The following DENND2B variants were observed in gnomAD, a reference collection of about 807,000 sequenced individuals.
DENND2B encodes the protein DENN domain-containing protein 2B.
Under a neutral mutation model 116.0 loss-of-function variants are expected in DENND2B, and 32 were observed. That is an observed-to-expected ratio of 0.28 (90% CI 0.21 to 0.37). DENND2B has a LOEUF of 0.37. Ranked by LOEUF, DENND2B falls within the 10% of genes least tolerant of loss-of-function variation. The pLI is 1.00. For synonymous variants in DENND2B, 588 were observed against 583.9 expected (o/e 1.01, Z -0.10); for missense variants, 1,276 against 1,477.7 (o/e 0.86, Z 2.24).
At chr11:8,738,979 A>G (rs1011645155) in intron 2 of DENND2B, among the ~76,000 whole-genome samples, 1 of 152,210 alleles carries the variant, frequency 6.6e-6, no homozygotes, top group African/African-American at 2.4e-5. Flanking sequence ...ACTGCATTGC[A>G]CCAGACTGTT....
At chr11:8,853,776 A>G (rs952785258) in intron 3 of DENND2B, among the ~76,000 whole-genome samples, 8 of 152,184 alleles carry the variant, frequency 5.3e-5, no homozygotes, top group Non-Finnish European at 1.0e-4. Flanking sequence ...GGAGAGGACT[A>G]AGATTTTTCT....
intron 1 of DENND2B, among the ~76,000 whole-genome samples, chr11:8,901,229 C>CTTTTTTTTTTTTT (rs1555223231): frequency 2.4e-5 from 2 of 83,918 alleles, no homozygotes; most frequent in African/African-American, 4.8e-5. Flanking sequence ...CTTTTCTTTT[C>CTTTTTTTTTTTTT]TTTTTTTTTT....
At chr11:8,886,602 A>ACTAG (rs2063963498) in intron 1 of DENND2B, among the ~76,000 whole-genome samples, 1 of 151,736 alleles carries the variant, frequency 6.6e-6, no homozygotes, top group African/African-American at 2.4e-5. Flanking sequence ...ACTGAGTTAA[A>ACTAG]CTAGCATCAT....
Position 8,824,054 on chromosome 11 carries a change from C to G in DENND2B, c.-114-12719G>C, listed in dbSNP as rs182524939. Among the ~76,000 whole-genome samples the G allele has an allele frequency of 1.2e-3, 180 of 152,102 alleles. 1 individual carries two copies. The highest frequency in any genetic ancestry group is 3.4e-3 in the Middle Eastern group (1 of 294). On this transcript the variant is annotated intron_variant, in intron 4 of 6. Coordinates refer to the DENND2B transcript ENST00000524757. ...AGTAGCTGGGACTACAGGTGCCCAC[C>G]ACCACGCCCGGCTAATTTTTTGTAT...
intron 1 of DENND2B, among the ~76,000 whole-genome samples, chr11:8,796,083 T>C (rs2134368359): frequency 6.6e-6 from 1 of 152,370 alleles, no homozygotes. Flanking sequence ...AGTCTCACCC[T>C]GCTCTGCCCT....
intron 1 of DENND2B, among the ~76,000 whole-genome samples, chr11:8,772,630 A>G (rs1373217172): frequency 1.3e-5 from 2 of 152,058 alleles, no homozygotes; most frequent in Non-Finnish European, 2.9e-5. Context: ...AGAGAGAAGG[A>G]AACAGAGACA....
chr11:8,826,394 A>G (rs1032921605), intron 4 of DENND2B, among the ~76,000 whole-genome samples: 30 of 152,204 alleles, frequency 2.0e-4, no homozygotes, highest in African/African-American at 7.0e-4. Context: ...TTAACCTCCT[A>G]TACTAAGCTG....
chr11:8,797,120 T>G (rs2059884286), intron 1 of DENND2B, among the ~76,000 whole-genome samples: 2 of 152,174 alleles, frequency 1.3e-5, no homozygotes, highest in African/African-American at 4.8e-5. Context: ...CAAACAGCCT[T>G]AGATTTAGAT....
chr11:8,799,495 T>A lies in DENND2B; in HGVS notation c.-26+11022A>T, dbSNP rs1385488584. 2.0e-5 allele frequency among the ~76,000 whole-genome samples: 3 copies of A among 151,950 alleles called. No individual in the cohort carries two copies. The East Asian group carries it at 5.8e-4, about 29-fold the overall frequency. On this transcript the variant is annotated intron_variant, in intron 1 of 19. Coordinates refer to ENST00000313726, the MANE Select transcript of DENND2B (RefSeq NM_213618.2). ...GACTGCAAACCAAGGTCACTGCCATTGCCAAGCTTGTCTCACATGTCCTAG... is the reference window on the plus strand; with the variant it reads ...GACTGCAAACCAAGGTCACTGCCATAGCCAAGCTTGTCTCACATGTCCTAG...
chr11:8,842,103 C>T (rs2062643960), intron 3 of DENND2B, among the ~76,000 whole-genome samples: 1 of 152,200 alleles, frequency 6.6e-6, no homozygotes, highest in Non-Finnish European at 1.5e-5. Flanking sequence ...CTCTCTGAGA[C>T]AATCCGTTCA....
intron 1 of DENND2B, among the ~76,000 whole-genome samples, chr11:8,758,229 C>G (rs1321425106): frequency 1.3e-5 from 2 of 152,202 alleles, no homozygotes; most frequent in Non-Finnish European, 2.9e-5. Context: ...TCCCAAGAAT[C>G]TGCCTAGCTA....
At chr11:8,741,688 C>G (rs1490655120) in intron 2 of DENND2B, among the ~76,000 whole-genome samples, 3 of 152,150 alleles carry the variant, frequency 2.0e-5, no homozygotes, top group Non-Finnish European at 1.5e-5. Context: ...AGGCCCAGGC[C>G]TAAAAAAATC....
intron 4 of DENND2B, among the ~76,000 whole-genome samples, chr11:8,817,018 A>G (rs1373280823): frequency 6.6e-6 from 1 of 151,972 alleles, no homozygotes; most frequent in African/African-American, 2.4e-5. Flanking sequence ...TTTTTAGAAG[A>G]AAAAAAATGG....
intron 1 of DENND2B, chr11:8,766,652 G>A (rs963948299): frequency 4.7e-6 from 6 of 1,289,168 alleles, no homozygotes; most frequent in Admixed American, 2.3e-5. Context: ...TTGTTCCCAC[G>A]GGGTTTCTTG....
chr11:8,709,339 A>G (rs2043186376), intron 11 of DENND2B, among the ~76,000 whole-genome samples: 1 of 152,194 alleles, frequency 6.6e-6, no homozygotes, highest in Non-Finnish European at 1.5e-5. Flanking sequence ...ATCTGCAGGA[A>G]TGCCGAGCTA....
chr11:8,729,362 C>T (rs901646598), intron 3 of DENND2B, among the ~76,000 whole-genome samples: 2 of 152,158 alleles, frequency 1.3e-5, no homozygotes, highest in Admixed American at 6.6e-5. Context: ...ACGTGAGCCT[C>T]GGAACAGGCT....
chr11:8,814,851 A>AT (rs1423432425), upstream of DENND2B, among the ~76,000 whole-genome samples: 1 of 152,218 alleles, frequency 6.6e-6, no homozygotes, highest in East Asian at 1.9e-4. Flanking sequence ...GACAGGAAGA[A>AT]GAAACTTAGA....
intron 4 of DENND2B, chr11:8,718,276 A>T: frequency 8.1e-7 from 1 of 1,238,302 alleles, no homozygotes; most frequent in Non-Finnish European, 1.1e-6. Flanking sequence ...CCCCAGAGAT[A>T]ACACAGTTCA....
chr11:8,884,111 T>C (rs2063932336), intron 1 of DENND2B, among the ~76,000 whole-genome samples: 1 of 152,216 alleles, frequency 6.6e-6, no homozygotes, highest in African/African-American at 2.4e-5. Flanking sequence ...TCTATGCCTG[T>C]GTCAGAAGTT....
Sources: gnomAD v4.1 joint callset for allele counts (sites outside exome capture counted in the v4.1 genomes callset) on GRCh38, gnomAD v4.1.1 for gene constraint, MANE v1.5 for transcripts, NCBI Gene and HGNC (gene_info 2026-07-23, HGNC 2026-07-21) for gene names.